Variants in UNKL observed in about 807,000 individuals in gnomAD.
UNKL encodes the protein unk like zinc finger, also known as putative E3 ubiquitin-protein ligase UNKL.
In UNKL, 60 loss-of-function variants were observed where a neutral mutation model predicts 78.0. The observed-to-expected ratio is 0.77, with a 90% CI of 0.63 to 0.95. The LOEUF (loss-of-function observed/expected upper bound fraction) is 0.95, where lower values mean the gene tolerates loss of function less well. Among genes scored for constraint, UNKL ranks in the 40% least tolerant of loss-of-function variants. The pLI is 0.00. For synonymous variants in UNKL, 608 were observed against 474.8 expected (o/e 1.28, Z -3.65); for missense variants, 1,159 against 1,045.7 (o/e 1.11, Z -1.49).
At chr16:1,389,188 T>G (rs2036943172) in intron 9 of UNKL, among the ~76,000 whole-genome samples, 1 of 152,176 alleles carries the variant, frequency 6.6e-6, no homozygotes, top group African/African-American at 2.4e-5. Flanking sequence ...GCACAGTGTC[T>G]TTGTTATGGA....
chr16:1,391,751 G>A (rs1437543855), intron 8 of UNKL, among the ~76,000 whole-genome samples: 4 of 151,578 alleles, frequency 2.6e-5, no homozygotes, highest in Admixed American at 6.6e-5. Context: ...GCAGTGGCGC[G>A]ATCTCAGCTC....
At chr16:1,378,632 A>G (rs1596687820) in intron 10 of UNKL, among the ~76,000 whole-genome samples, 1 of 152,114 alleles carries the variant, frequency 6.6e-6, no homozygotes, top group African/African-American at 2.4e-5. Flanking sequence ...CACTCAACTC[A>G]GAGGGCGTCA....
chr16:1,381,313 ATTTG>A (rs2036598001), intron 10 of UNKL, among the ~76,000 whole-genome samples: 1 of 152,342 alleles, frequency 6.6e-6, no homozygotes, highest in South Asian at 2.1e-4. Context: ...ATGTGTGCTT[ATTTG>A]TTTAAAAGAA....
Position 1,392,966 on chromosome 16 carries a change from C to G in UNKL, c.948G>C (p.Gly316=). ...CAFAHVEKSL[G]MVNEWGCHDL... ...CGTGACAGCCCCATTCATTCACCAT[C>G]CCCAGGCTCTCTGCAAGGACAGGGG... is the stretch of plus-strand genomic sequence containing the variant. The change falls in exon 8 of 15, where the codon GGG becomes GGC. Residue 316 remains glycine (G), a synonymous_variant. Coordinates refer to ENST00000389221, the MANE Select transcript of UNKL (RefSeq NM_001372107.1). 6.4e-7 allele frequency: 1 copy of G among 1,550,534 alleles called. No individual in the cohort carries two copies. The highest frequency in any genetic ancestry group is 8.7e-7 in the Non-Finnish European group (1 of 1,146,990).
At chr16:1,367,569 T>G in intron 13 of UNKL, 87 bp downstream of exon 13, 1 of 201,782 alleles carries the variant, frequency 5.0e-6, no homozygotes, top group Non-Finnish European at 8.8e-6. Flanking sequence ...CCTCCCTCCC[T>G]CCCCTCCCAT....
chr16:1,366,447 C>CAGCTGGGG, intron 14 of UNKL, 52 bp from the exon 15 acceptor site: 1 of 1,500,264 alleles, frequency 6.7e-7, no homozygotes, highest in South Asian at 1.3e-5. Flanking sequence ...CAGGCTGGGC[C>CAGCTGGGG]AGCTGGGGAG....
At position 1,369,391 on chromosome 16, in the gene UNKL, T is replaced by A. The variant is rs371533023; in HGVS notation, c.1585+739A>T. The stretch of plus-strand genomic sequence containing the variant: ...CTTTTTCTCTTTTTTTTTTTTGAGA[T>A]GGAGTTTCACTCTTGTTGCCCAGGC... On this transcript the variant is annotated intron_variant, in intron 12 of 14. Coordinates refer to ENST00000389221, the MANE Select transcript of UNKL (RefSeq NM_001372107.1). Among the ~76,000 whole-genome samples, 31 of 149,308 alleles carry A rather than the reference T, an allele frequency of 2.1e-4. No individual in the cohort carries two copies. In the East Asian group the frequency reaches 5.2e-3, roughly 25 times the overall value.
chr16:1,367,049 T>C (rs751285837), intron 14 of UNKL, 43 bp downstream of exon 14: 6 of 1,478,784 alleles, frequency 4.1e-6, no homozygotes, highest in Non-Finnish European at 5.4e-6. Flanking sequence ...ACAGCAGCCC[T>C]GCAGGCAGGC....
At chr16:1,389,664 G>A (rs555749016) in intron 9 of UNKL, among the ~76,000 whole-genome samples, 127 of 152,366 alleles carry the variant, frequency 8.3e-4, no homozygotes, top group African/African-American at 2.9e-3. Flanking sequence ...CTCAGGAAGA[G>A]ACCCCAGGGA....
At chr16:1,393,668 T>C (rs1038793101) in intron 7 of UNKL, among the ~76,000 whole-genome samples, 3 of 152,244 alleles carry the variant, frequency 2.0e-5, no homozygotes, top group Non-Finnish European at 2.9e-5. Flanking sequence ...TGAGGGTCTC[T>C]GCTGTCTCCC....
At chr16:1,406,437 T>C (rs1017017495) in intron 2 of UNKL, among the ~76,000 whole-genome samples, 1 of 152,134 alleles carries the variant, frequency 6.6e-6, no homozygotes, top group Non-Finnish European at 1.5e-5. Context: ...GGTCTTGAAC[T>C]CCTGACATCA....
chr16:1,399,495 G>A lies in UNKL; in HGVS notation c.613C>T (p.Leu205=). Reference sequence around the variant, plus strand: ...CACTGCTCCGTCTTGTAGCTGCCCAGCACGAAGTTGGCATCTGAAAAATGG... The same window carrying A: ...CACTGCTCCGTCTTGTAGCTGCCCAACACGAAGTTGGCATCTGAAAAATGG... ...DPRWQDANFV[L]GSYKTEQCPK... The change falls in exon 5 of 15, where the codon CTG becomes TTG. Residue 205 remains leucine, a synonymous_variant. Transcript: ENST00000389221. This position sits in a 1 kb window ranked among gnomAD's most constrained non-coding sequence, Gnocchi z 5.8. The A allele has an allele frequency of 6.3e-7, 1 of 1,597,540 alleles. No individual in the cohort carries two copies.
chr16:1,367,623 C>T (rs1406243957), intron 13 of UNKL, 33 bp downstream of exon 13: 5 of 1,532,978 alleles, frequency 3.3e-6, no homozygotes, highest in Non-Finnish European at 4.4e-6. Context: ...GCCCTCCCTC[C>T]CCCTCACCTG....
rs1174286021 is a variant in UNKL at position 1,387,977 on chromosome 16, G to A, written c.1087-2592C>T. On this transcript the variant is annotated intron_variant, in intron 9 of 14. Transcript: ENST00000389221. This position sits in a 1 kb window ranked among gnomAD's most constrained non-coding sequence, Gnocchi z 4.1. ...CACCGCCCGGGTCACAGTCACCCCT[G>A]TGGATGTCCTCTCAGCTCCATGACC... 6.6e-6 allele frequency among the ~76,000 whole-genome samples: 1 copy of A among 152,196 alleles called. No individual in the cohort carries two copies. Among genetic ancestry groups the A allele is most frequent in the Non-Finnish European group, 1.5e-5 (1 of 68,028 alleles).
chr16:1,393,078 C>G, intron 7 of UNKL, 102 bp from the exon 8 acceptor site: 1 of 1,231,224 alleles, frequency 8.1e-7, no homozygotes, highest in Non-Finnish European at 1.2e-6. Flanking sequence ...TGCGCAGCCT[C>G]GTCACAATCA....
chr16:1,369,055 G>GTTC (rs2035553975), intron 12 of UNKL, among the ~76,000 whole-genome samples: 1 of 53,690 alleles, frequency 1.9e-5, no homozygotes, highest in Non-Finnish European at 3.2e-5. Flanking sequence ...CAAAGTATTA[G>GTTC]TTTTTTTTTT....
At chr16:1,402,010 A>G (rs2037547976) in intron 3 of UNKL, among the ~76,000 whole-genome samples, 1 of 152,032 alleles carries the variant, frequency 6.6e-6, no homozygotes, top group Non-Finnish European at 1.5e-5. Flanking sequence ...CGATCCTCCC[A>G]CCTTGGCCTC....
chr16:1,390,398 T>G (rs1455569549), intron 9 of UNKL, among the ~76,000 whole-genome samples: 1 of 152,224 alleles, frequency 6.6e-6, no homozygotes, highest in South Asian at 2.1e-4. Flanking sequence ...GTTGTGGCTT[T>G]GTTTCCAAGG....
chr16:1,379,282 C>T, intron 10 of UNKL: 1 of 188,870 alleles, frequency 5.3e-6, no homozygotes, highest in Non-Finnish European at 9.8e-6. Flanking sequence ...TCGGCCCTCC[C>T]CCGCCCCGTT....
Sources: allele counts gnomAD v4.1 joint callset (sites outside exome capture counted in the v4.1 genomes callset), GRCh38; gene constraint gnomAD v4.1.1; non-coding constraint Gnocchi (gnomAD v3.1); transcripts MANE v1.5; gene names NCBI Gene and HGNC (gene_info 2026-07-23, HGNC 2026-07-21).